The following CHCHD3 variants were observed in gnomAD, a reference collection of about 807,000 sequenced individuals.
The protein encoded by CHCHD3 is MICOS complex subunit MIC19.
Under a neutral mutation model 38.2 loss-of-function variants are expected in CHCHD3, and 20 were observed. The ratio of observed to expected loss-of-function variants is 0.52; its 90% confidence interval spans 0.37 to 0.76. The LOEUF is 0.76. Among genes scored for constraint, CHCHD3 ranks in the 30% least tolerant of loss-of-function variants. CHCHD3 has a pLI of 0.00. For missense variants in CHCHD3, 245 were observed against 279.2 expected, an observed-to-expected ratio of 0.88 and a Z score of 0.87; for synonymous variants, 82 against 100.0, an observed-to-expected ratio of 0.82 and a Z score of 1.07.
chr7:133,040,942 A>T (rs1405880888), intron 2 of CHCHD3, among the ~76,000 whole-genome samples: 1 of 152,202 alleles, frequency 6.6e-6, no homozygotes. Context: ...GCAGTCGAAG[A>T]GCCCTTTTAT....
chr7:132,870,087 A>G (rs1277597512), intron 5 of CHCHD3, among the ~76,000 whole-genome samples: 2 of 151,896 alleles, frequency 1.3e-5, no homozygotes, highest in Non-Finnish European at 2.9e-5. Context: ...ACAGGGACTC[A>G]TGCCTGTAAT....
intron 6 of CHCHD3, among the ~76,000 whole-genome samples, chr7:132,818,915 A>G (rs1485294220): frequency 6.6e-6 from 1 of 152,186 alleles, no homozygotes; most frequent in Non-Finnish European, 1.5e-5. Flanking sequence ...CTAGAGATGA[A>G]CTCTGGCAAT....
At chr7:132,861,359 TTC>T (rs1808487404) in intron 5 of CHCHD3, among the ~76,000 whole-genome samples, 1 of 152,194 alleles carries the variant, frequency 6.6e-6, no homozygotes, top group African/African-American at 2.4e-5. Context: ...CTCTCCTATT[TTC>T]TCTCACTGTA....
At chr7:132,855,865 T>TAA (rs77266210) in intron 5 of CHCHD3, among the ~76,000 whole-genome samples, 1 of 16,168 alleles carries the variant, frequency 6.2e-5, no homozygotes, top group African/African-American at 2.2e-4. Context: ...CATATTTGTT[T>TAA]AAAAAAAAAA....
intron 6 of CHCHD3, among the ~76,000 whole-genome samples, chr7:132,832,699 C>A (rs116094133): frequency 0.018 from 2,702 of 152,214 alleles, 77 homozygotes; most frequent in African/African-American, 0.061. Context: ...ATTTGCTTTT[C>A]TATTTTAAAA....
intron 2 of CHCHD3, among the ~76,000 whole-genome samples, chr7:133,067,053 T>C (rs902501684): frequency 2.6e-5 from 4 of 152,228 alleles, no homozygotes; most frequent in South Asian, 2.1e-4. Flanking sequence ...TGTGTGACTT[T>C]GGGCAAAATA....
intron 3 of CHCHD3, among the ~76,000 whole-genome samples, chr7:133,006,567 C>G (rs1812706771): frequency 6.6e-6 from 1 of 151,948 alleles, no homozygotes; most frequent in Non-Finnish European, 1.5e-5. Flanking sequence ...ATGGGCATAA[C>G]ACAACACTGG....
intron 3 of CHCHD3, among the ~76,000 whole-genome samples, chr7:132,977,277 T>G (rs1483615996): frequency 6.6e-6 from 1 of 152,210 alleles, no homozygotes; most frequent in Non-Finnish European, 1.5e-5. Context: ...ATCCCACACT[T>G]GCTGAATCAG....
At chr7:132,851,731 T>A (rs1022047649) in intron 5 of CHCHD3, among the ~76,000 whole-genome samples, 30 of 152,230 alleles carry the variant, frequency 2.0e-4, no homozygotes, top group African/African-American at 7.2e-4. Flanking sequence ...TCAAGGGCTG[T>A]GTGATGTGAC....
At chr7:132,888,404 CAT>C (rs895323596) in intron 4 of CHCHD3, among the ~76,000 whole-genome samples, 3 of 151,624 alleles carry the variant, frequency 2.0e-5, no homozygotes, top group African/African-American at 7.3e-5. Context: ...TGTCAAAACT[CAT>C]AGAACTGTAT....
chr7:132,919,169 C>T (rs908846164), intron 4 of CHCHD3, among the ~76,000 whole-genome samples: 3 of 119,030 alleles, frequency 2.5e-5, no homozygotes, highest in Admixed American at 2.5e-4. Flanking sequence ...AGTGCAGTGG[C>T]GCGATCTCGG....
chr7:132,978,646 A>C (rs1811835991), intron 3 of CHCHD3, among the ~76,000 whole-genome samples: 1 of 152,178 alleles, frequency 6.6e-6, no homozygotes, highest in Admixed American at 6.5e-5. Context: ...TAACGAGACA[A>C]ACTGTATCCT....
intron 4 of CHCHD3, among the ~76,000 whole-genome samples, chr7:132,929,616 G>C (rs1385864641): frequency 6.6e-6 from 1 of 152,060 alleles, no homozygotes; most frequent in Non-Finnish European, 1.5e-5. Context: ...ATCCTGAAGG[G>C]ACCTCAAACA....
At chr7:132,886,267 T>G (rs1809206201) in intron 4 of CHCHD3, among the ~76,000 whole-genome samples, 1 of 152,072 alleles carries the variant, frequency 6.6e-6, no homozygotes, top group Non-Finnish European at 1.5e-5. Flanking sequence ...CTACCATAAT[T>G]GTTTATTTCA....
chr7:133,072,045 AGTG>A (rs1814832031), intron 1 of CHCHD3, among the ~76,000 whole-genome samples: 1 of 152,002 alleles, frequency 6.6e-6, no homozygotes, highest in South Asian at 2.1e-4. Flanking sequence ...AAATTCATCA[AGTG>A]TTGAATTGCT....
intron 2 of CHCHD3, among the ~76,000 whole-genome samples, chr7:133,037,919 G>A (rs182379705): frequency 7.9e-5 from 12 of 152,064 alleles, no homozygotes; most frequent in East Asian, 1.9e-4. Context: ...TTTATACTTC[G>A]TTGCAGTGTT....
intron 3 of CHCHD3, among the ~76,000 whole-genome samples, chr7:132,988,751 C>T (rs942656642): frequency 2.0e-5 from 3 of 150,554 alleles, no homozygotes; most frequent in Non-Finnish European, 4.4e-5. Context: ...CCATCTCTAA[C>T]AAAAAAAAAT....
intron 4 of CHCHD3, among the ~76,000 whole-genome samples, chr7:132,936,707 A>C (rs1482512906): frequency 1.3e-5 from 2 of 152,228 alleles, no homozygotes; most frequent in African/African-American, 4.8e-5. Context: ...TAAACCTAAT[A>C]TCCAAAAAGG....
chr7:133,034,693 G>C (rs747500289), intron 2 of CHCHD3: 4 of 1,613,014 alleles, frequency 2.5e-6, no homozygotes, highest in South Asian at 1.1e-5. Context: ...ACCAGCGTCT[G>C]GGTCTCCTCT....
Sources: allele counts gnomAD v4.1 joint callset (sites outside exome capture counted in the v4.1 genomes callset), GRCh38; gene constraint gnomAD v4.1.1; transcripts MANE v1.5; gene names NCBI Gene and HGNC (gene_info 2026-07-23, HGNC 2026-07-21).